The following CCDC73 variants were observed in gnomAD, a reference collection of about 807,000 sequenced individuals.
CCDC73 encodes the protein coiled-coil domain containing 73.
Under a neutral mutation model 116.5 loss-of-function variants are expected in CCDC73, and 95 were observed. That is an observed-to-expected ratio of 0.82 (90% CI 0.69 to 0.97). The LOEUF (loss-of-function observed/expected upper bound fraction) is 0.97, where lower values mean the gene tolerates loss of function less well. CCDC73 is among the 50% of genes least tolerant of loss of function. The probability of loss-of-function intolerance (pLI) is 0.00; values close to 1 mark genes in which losing one functional copy is unlikely to be tolerated. For missense variants in CCDC73, 1,066 were observed against 1,206.8 expected (o/e 0.88, Z 1.73); for synonymous variants, 398 against 401.3 (o/e 0.99, Z 0.10).
chr11:32,727,520 T>C (rs1255660190), intron 2 of CCDC73, among the ~76,000 whole-genome samples: 1 of 152,182 alleles, frequency 6.6e-6, no homozygotes, highest in Non-Finnish European at 1.5e-5. Context: ...TGTTTCTCCT[T>C]AAAGTTTCAG....
chr11:32,719,440 C>A (rs1456455898), intron 2 of CCDC73, among the ~76,000 whole-genome samples: 1 of 152,096 alleles, frequency 6.6e-6, no homozygotes, highest in Non-Finnish European at 1.5e-5. Flanking sequence ...AGACAACAGA[C>A]CTTACAAATT....
At chr11:32,661,883 G>A (rs1040783057) in intron 9 of CCDC73, among the ~76,000 whole-genome samples, 16 of 151,184 alleles carry the variant, frequency 1.1e-4, no homozygotes, top group South Asian at 4.2e-4. Context: ...CCCTTCCTGC[G>A]TCCATGTGTT....
chr11:32,755,903 C>CTG lies in CCDC73; in HGVS notation c.135+4205_135+4206insCA, dbSNP rs1384250471. ...TCTGTGTATATATCTCCATATATATCTATATATATCTCCATATATATATCT... is the reference window on the plus strand; with the variant it reads ...TCTGTGTATATATCTCCATATATATCTGTATATATATCTCCATATATATATCT... On this transcript the variant is annotated intron_variant, in intron 2 of 17. Coordinates refer to ENST00000335185, the MANE Select transcript of CCDC73 (RefSeq NM_001008391.4). 7.8e-4 allele frequency among the ~76,000 whole-genome samples: 65 copies of CTG among 83,278 alleles called. 5 individuals carry two copies. The highest frequency in any genetic ancestry group is 1.6e-3 in the East Asian group (4 of 2,548). The allele number at this position is 83,278 out of a possible 152,430, so 54.6% of individuals were successfully genotyped here.
chr11:32,656,244 A>AT (rs1159852406), intron 9 of CCDC73, among the ~76,000 whole-genome samples: 6 of 150,662 alleles, frequency 4.0e-5, no homozygotes, highest in Non-Finnish European at 8.9e-5. Flanking sequence ...CGCCCGGCTA[A>AT]TTTTTTTTGT....
chr11:32,698,923 T>C (rs1849784621), intron 6 of CCDC73, among the ~76,000 whole-genome samples: 1 of 152,224 alleles, frequency 6.6e-6, no homozygotes, highest in South Asian at 2.1e-4. Context: ...AATTCAATGC[T>C]ATTTTAATTT....
chr11:32,741,288 A>G (rs568692520), intron 2 of CCDC73, among the ~76,000 whole-genome samples: 70 of 152,224 alleles, frequency 4.6e-4, no homozygotes, highest in African/African-American at 1.7e-3. Flanking sequence ...TCCAACTATT[A>G]TTGTATGAAA....
rs115054300 is a variant in CCDC73 at position 32,635,131 on chromosome 11, A to T, written c.1185+565T>A. Among the ~76,000 whole-genome samples, 1,083 of 152,314 alleles carry T rather than the reference A, an allele frequency of 7.1e-3. 17 individuals carry two copies. Among genetic ancestry groups the T allele is most frequent in the African/African-American group, 0.025 (1,044 of 41,556 alleles). On this transcript the variant is annotated intron_variant, in intron 14 of 17. Transcript: ENST00000335185. Reference sequence around the variant, plus strand: ...AGAGACATTTTAAAATATCCAAATAAATGGAAGCTATACCATGTTCATCGA... The same window carrying T: ...AGAGACATTTTAAAATATCCAAATATATGGAAGCTATACCATGTTCATCGA...
intron 14 of CCDC73, among the ~76,000 whole-genome samples, chr11:32,629,478 A>G (rs400655): frequency 0.44 from 66,303 of 150,532 alleles, 15,091 homozygotes; most frequent in African/African-American, 0.51. Flanking sequence ...TCGGCTCACC[A>G]CAAACTCCAC....
chr11:32,664,637 T>G (rs981622843), intron 9 of CCDC73, among the ~76,000 whole-genome samples: 14 of 152,216 alleles, frequency 9.2e-5, no homozygotes, highest in Non-Finnish European at 1.8e-4. Flanking sequence ...AGCTGCTGCA[T>G]TCAATGATAT....
chr11:32,702,327 G>C (rs1486582), intron 4 of CCDC73, among the ~76,000 whole-genome samples: 89,741 of 152,052 alleles, frequency 0.59, 26,777 homozygotes, highest in East Asian at 0.84. Context: ...CTACAGAATT[G>C]AAATGAGCTG....
At chr11:32,802,145 G>T in the CCDC73 span, among the ~76,000 whole-genome samples, 1 of 152,138 alleles carries the variant, frequency 6.6e-6, no homozygotes, top group African/African-American at 2.4e-5. Context: ...TTTTCTATCA[G>T]TTAGGTCCTT....
At chr11:32,814,884 A>G in the CCDC73 span, among the ~76,000 whole-genome samples, 2 of 152,224 alleles carry the variant, frequency 1.3e-5, no homozygotes, top group Admixed American at 1.3e-4. Context: ...TACAGTGTGG[A>G]TGAACCTTGA....
At chr11:32,787,368 C>T (rs1204103544) in intron 1 of CCDC73, among the ~76,000 whole-genome samples, 1 of 152,180 alleles carries the variant, frequency 6.6e-6, no homozygotes, top group Middle Eastern at 3.2e-3. Context: ...CAGTTTCACA[C>T]TATCATTTCA....
chr11:32,788,640 A>C (rs539893425), intron 1 of CCDC73, among the ~76,000 whole-genome samples: 2 of 151,956 alleles, frequency 1.3e-5, no homozygotes, highest in Non-Finnish European at 2.9e-5. Context: ...ACACCCAGCT[A>C]ATTTTTGTAT....
intron 1 of CCDC73, among the ~76,000 whole-genome samples, chr11:32,776,924 T>TAAA: frequency 1.7e-5 from 1 of 59,954 alleles, no homozygotes; most frequent in African/African-American, 7.9e-5. Flanking sequence ...CAGAGTATGG[T>TAAA]TAAAAAAAAA....
chr11:32,808,414 A>G, the CCDC73 span, among the ~76,000 whole-genome samples: 6 of 152,316 alleles, frequency 3.9e-5, no homozygotes, highest in East Asian at 1.2e-3. Context: ...CGAGGTGGGC[A>G]GATAACTTGA....
intron 13 of CCDC73, among the ~76,000 whole-genome samples, chr11:32,641,298 T>C (rs1340487072): frequency 6.6e-6 from 1 of 152,130 alleles, no homozygotes; most frequent in Admixed American, 6.5e-5. Context: ...AAAATTGATA[T>C]TAGCATAGAA....
At chr11:32,776,384 C>G (rs1590642423) in intron 1 of CCDC73, among the ~76,000 whole-genome samples, 1 of 152,128 alleles carries the variant, frequency 6.6e-6, no homozygotes, top group East Asian at 1.9e-4. Flanking sequence ...ACAAATCAAG[C>G]CCAAATTCCT....
chr11:32,701,120 T>C (rs1246210718), intron 4 of CCDC73, among the ~76,000 whole-genome samples: 2 of 152,160 alleles, frequency 1.3e-5, no homozygotes, highest in Non-Finnish European at 2.9e-5. Context: ...GTCTCCCAAG[T>C]AGCTGAGACT....
Sources: gnomAD v4.1 joint callset for allele counts (sites outside exome capture counted in the v4.1 genomes callset) on GRCh38, gnomAD v4.1.1 for gene constraint, MANE v1.5 for transcripts, NCBI Gene and HGNC (gene_info 2026-07-23, HGNC 2026-07-21) for gene names.